Variants in PTPRN2 observed in about 807,000 individuals in gnomAD.
PTPRN2 encodes the protein receptor-type tyrosine-protein phosphatase N2.
Under a neutral mutation model 118.8 loss-of-function variants are expected in PTPRN2, and 74 were observed. The ratio of observed to expected loss-of-function variants is 0.62; its 90% CI spans 0.52 to 0.76. The LOEUF is 0.76. Ranked by LOEUF, PTPRN2 falls within the 30% of genes least tolerant of loss-of-function variation. The probability of loss-of-function intolerance (pLI) is 0.00; values close to 1 mark genes in which losing one functional copy is unlikely to be tolerated. For synonymous variants in PTPRN2, 641 were observed against 608.0 expected (o/e 1.05, Z -0.80); for missense variants, 1,481 against 1,394.4 (o/e 1.06, Z -0.99).
rs1798313236 is a variant in PTPRN2 at position 158,270,797 on chromosome 7, A to ACCGCCCCT, written c.277+46021_277+46022insAGGGGCGG. Among the ~76,000 whole-genome samples the ACCGCCCCT allele has an allele frequency of 1.9e-4, 7 of 36,378 alleles. 1 individual carries two copies. Among genetic ancestry groups the ACCGCCCCT allele is most frequent in the African/African-American group, 1.2e-3 (7 of 5,618 alleles). The allele number at this position is 36,378 out of a possible 152,430, so 23.9% of individuals were successfully genotyped here. On this transcript the variant is annotated intron_variant, in intron 3 of 22. Transcript: ENST00000389418. ...CCACCTGGACCACCCCTCCACCTGG[A>ACCGCCCCT]CCACCCCCTCACCTGGACCGCCCCC... is the stretch of plus-strand genomic sequence containing the variant.
Position 158,153,609 on chromosome 7 carries a change from G to A in PTPRN2, c.910+13322C>T, listed in dbSNP as rs116513780. Among the ~76,000 whole-genome samples the A allele has an allele frequency of 2.8e-3, 421 of 152,278 alleles. 2 individuals are homozygous for A. Among genetic ancestry groups the A allele is most frequent in the African/African-American group, 9.0e-3 (374 of 41,556 alleles). On this transcript the variant is annotated intron_variant, in intron 6 of 22. Transcript: ENST00000389418. Reference sequence around the variant, plus strand: ...TGAGGGGAATAAGGGAACTTTTCCCGTTTCAACAGGACACGGAGGGAGAGG... The same window carrying A: ...TGAGGGGAATAAGGGAACTTTTCCCATTTCAACAGGACACGGAGGGAGAGG...
At chr7:158,552,479 G>A (rs1019602032) in intron 1 of PTPRN2, among the ~76,000 whole-genome samples, 3 of 152,176 alleles carry the variant, frequency 2.0e-5, no homozygotes, top group Admixed American at 2.0e-4. Context: ...AGGCTGGAGT[G>A]CGGGCTGGAG....
At chr7:157,945,473 A>G (rs542093942) in intron 11 of PTPRN2, among the ~76,000 whole-genome samples, 6 of 150,260 alleles carry the variant, frequency 4.0e-5, no homozygotes, top group African/African-American at 9.8e-5. Context: ...CAACCCATTC[A>G]CTCTTCTCCC....
intron 9 of PTPRN2, among the ~76,000 whole-genome samples, chr7:158,129,270 TACACACC>T (rs1434307714): frequency 8.0e-6 from 1 of 124,764 alleles, no homozygotes; most frequent in Non-Finnish European, 1.6e-5. Context: ...CACCACACAC[TACACACC>T]ACACACAACA....
At chr7:158,534,973 C>T (rs754702208) in intron 1 of PTPRN2, among the ~76,000 whole-genome samples, 1 of 152,220 alleles carries the variant, frequency 6.6e-6, no homozygotes, top group African/African-American at 2.4e-5. Context: ...CCCAGAACTA[C>T]ACCTCAGTAT....
chr7:158,240,047 G>A (rs1795821592), intron 3 of PTPRN2, among the ~76,000 whole-genome samples: 1 of 152,234 alleles, frequency 6.6e-6, no homozygotes, highest in African/African-American at 2.4e-5. Context: ...AAAGGAGAGA[G>A]AGGGAGAAAA....
At chr7:158,031,833 G>C (rs1163564035) in intron 11 of PTPRN2, among the ~76,000 whole-genome samples, 1 of 152,194 alleles carries the variant, frequency 6.6e-6, no homozygotes, top group African/African-American at 2.4e-5. Context: ...TCAGACGCGG[G>C]GGCTGTTTAC....
chr7:157,783,370 G>T (rs1803803083), intron 12 of PTPRN2, among the ~76,000 whole-genome samples: 1 of 151,586 alleles, frequency 6.6e-6, no homozygotes, highest in Non-Finnish European at 1.5e-5. Flanking sequence ...CACCGGGAGG[G>T]TCCTCACCAC....
chr7:158,266,822 A>C (rs929208591), intron 3 of PTPRN2, among the ~76,000 whole-genome samples: 2 of 152,252 alleles, frequency 1.3e-5, no homozygotes, highest in Non-Finnish European at 2.9e-5. Flanking sequence ...CAAATATGCC[A>C]AATTTTTAAA....
intron 12 of PTPRN2, among the ~76,000 whole-genome samples, chr7:157,725,879 A>ATGG (rs1799559165): frequency 6.5e-4 from 13 of 19,908 alleles, no homozygotes; most frequent in African/African-American, 8.3e-4. Context: ...AGAGGAGTGA[A>ATGG]CCAGACCCTC....
At chr7:157,648,494 G>A (rs1585167523) in intron 14 of PTPRN2, among the ~76,000 whole-genome samples, 6 of 133,950 alleles carry the variant, frequency 4.5e-5, no homozygotes, top group Admixed American at 7.6e-5. Flanking sequence ...GAACTCGGTG[G>A]GTCGGACCCA....
intron 2 of PTPRN2, among the ~76,000 whole-genome samples, chr7:158,485,174 G>T (rs892112580): frequency 2.6e-5 from 4 of 152,070 alleles, no homozygotes; most frequent in African/African-American, 7.2e-5. Context: ...GCCGACAGGT[G>T]TGTAGCTGAG....
At chr7:158,313,275 C>T (rs754863711) in intron 3 of PTPRN2, among the ~76,000 whole-genome samples, 12 of 152,296 alleles carry the variant, frequency 7.9e-5, no homozygotes, top group East Asian at 1.9e-4. Flanking sequence ...CCTCCTGCCA[C>T]GGGGTCATCC....
chr7:157,958,688 G>A (rs536490842), intron 11 of PTPRN2, among the ~76,000 whole-genome samples: 1 of 152,134 alleles, frequency 6.6e-6, no homozygotes, highest in African/African-American at 2.4e-5. Flanking sequence ...AATATTTAGG[G>A]TAGGCTTAAC....
At chr7:157,972,845 TTCAGAGACCGCAGAAACTCCACAC>T in intron 11 of PTPRN2, among the ~76,000 whole-genome samples, 1 of 145,152 alleles carries the variant, frequency 6.9e-6, no homozygotes, top group African/African-American at 2.6e-5. Flanking sequence ...AGAACAGGGC[TTCAGAGACCGCAGAAACTCCACAC>T]CACGAGAACA....
intron 12 of PTPRN2, among the ~76,000 whole-genome samples, chr7:157,848,736 C>T (rs139118960): frequency 1.0e-3 from 152 of 152,336 alleles, no homozygotes; most frequent in Non-Finnish European, 1.4e-3. Context: ...GGCCCCTGTC[C>T]GCAGGCTGCC....
chr7:158,087,012 A>G (rs576759053), intron 10 of PTPRN2, among the ~76,000 whole-genome samples: 256 of 152,318 alleles, frequency 1.7e-3, no homozygotes, highest in Non-Finnish European at 2.9e-3. Flanking sequence ...TGCACATTAC[A>G]TTATTTACCC....
At chr7:158,557,853 C>G (rs1827147702) in intron 1 of PTPRN2, among the ~76,000 whole-genome samples, 1 of 152,216 alleles carries the variant, frequency 6.6e-6, no homozygotes. Flanking sequence ...GGTCCACTCT[C>G]CTAGTGAGGC....
chr7:158,546,798 T>G lies in PTPRN2; in HGVS notation c.112+40760A>C, dbSNP rs553510541. 1.3e-5 allele frequency among the ~76,000 whole-genome samples: 2 copies of G among 152,222 alleles called. No homozygotes were observed. Among genetic ancestry groups the G allele is most frequent in the Admixed American group, 1.3e-4 (2 of 15,290 alleles). On this transcript the variant is annotated intron_variant, in intron 1 of 22. Transcript: ENST00000389418. This position sits in a 1 kb window ranked among gnomAD's most constrained non-coding sequence, Gnocchi z 5.0. ...TTGTGAGTTGAGCACGTCTCACGTA[T>G]GCACCAACATGCAGATGCACACACA...
Sources: allele counts gnomAD v4.1 joint callset (sites outside exome capture counted in the v4.1 genomes callset), GRCh38; gene constraint gnomAD v4.1.1; non-coding constraint Gnocchi (gnomAD v3.1); transcripts MANE v1.5; gene names NCBI Gene and HGNC (gene_info 2026-07-23, HGNC 2026-07-21).